RAB8A: variants seen among roughly 807,000 people sequenced by gnomAD.
RAB8A encodes ras-related protein Rab-8A.
In RAB8A, 5 loss-of-function variants were observed where a neutral mutation model predicts 29.2. The observed-to-expected ratio is 0.17, with a 90% confidence interval of 0.09 to 0.36. The LOEUF is 0.36. RAB8A is among the 10% of genes least tolerant of loss of function. RAB8A has a pLI of 1.00. For missense variants in RAB8A, 171 were observed against 272.2 expected, an observed-to-expected ratio of 0.63 and a Z score of 2.62; for synonymous variants, 108 against 99.9, an observed-to-expected ratio of 1.08 and a Z score of -0.49.
chr19:16,122,377 G>C lies in RAB8A; in HGVS notation c.246+567G>C, dbSNP rs1252230204. ...GACGAGGTCCTGTGTCAGGGGCCCT[G>C]TGTGTACATGGCAGGGCATTCAGGG... On this transcript the variant is annotated intron_variant, in intron 3 of 7. Coordinates refer to ENST00000300935, the MANE Select transcript of RAB8A (RefSeq NM_005370.5). The surrounding 1 kb of genome is among the most constrained non-coding windows in gnomAD (Gnocchi z 4.7). 6.6e-6 allele frequency among the ~76,000 whole-genome samples: 1 copy of C among 152,230 alleles called. No homozygotes were observed. Among genetic ancestry groups the C allele is most frequent in the Non-Finnish European group, 1.5e-5 (1 of 68,046 alleles).
chr19:16,121,522 A>G (rs2090875350), intron 2 of RAB8A, among the ~76,000 whole-genome samples: 1 of 152,110 alleles, frequency 6.6e-6, no homozygotes, highest in African/African-American at 2.4e-5. Flanking sequence ...GAGAAGGCGC[A>G]TGGGTCAGGG....
chr19:16,131,860 T>C (rs1296468599), intron 7 of RAB8A, among the ~76,000 whole-genome samples: 1 of 37,482 alleles, frequency 2.7e-5, no homozygotes, highest in Non-Finnish European at 5.9e-5. Context: ...GGATGGTTGG[T>C]TGGTTGGTTG....
rs536307896 is a variant in RAB8A, at chr19:16,123,260, C to T, written c.246+1450C>T. 2.5e-4 allele frequency among the ~76,000 whole-genome samples: 38 copies of T among 152,326 alleles called. 1 individual carries two copies. Among genetic ancestry groups the T allele is most frequent in the Admixed American group, 2.3e-3 (35 of 15,298 alleles). ...TTCCATCCTCCTAGACCCAGGCCAACCTGAACAGATGCCACCACTGGCTGC... is the reference window on the plus strand; with the variant it reads ...TTCCATCCTCCTAGACCCAGGCCAATCTGAACAGATGCCACCACTGGCTGC... On this transcript the variant is annotated intron_variant, in intron 3 of 7. Transcript: ENST00000300935.
At position 16,127,908 on chromosome 19, in the gene RAB8A, G is replaced by A. The variant is rs993532455; in HGVS notation, c.415-118G>A. 4 of 1,016,928 alleles carry A rather than the reference G, an allele frequency of 3.9e-6. No individual in the cohort carries two copies. In the African/African-American group the frequency reaches 4.8e-5, roughly 12 times the overall value. The allele number at this position is 1,016,928 out of a possible 1,614,324, so 63.0% of individuals were successfully genotyped here. A position where few individuals can be genotyped will look rare whatever the true frequency, so the allele number is the denominator to read the frequency against. ...AGTGATCCAGGAAGTCACGCCCACA[G>A]CCCCAGCCCTGTTGCTGCTCCCTCT... On this transcript the variant is annotated intron_variant, in intron 5 of 7. Coordinates refer to ENST00000300935, the MANE Select transcript of RAB8A (RefSeq NM_005370.5). The surrounding 1 kb of genome is among the most constrained non-coding windows in gnomAD (Gnocchi z 4.8).
Position 16,125,876 on chromosome 19 carries a change from G to C in RAB8A, c.324+329G>C, listed in dbSNP as rs1462570529. On this transcript the variant is annotated intron_variant, in intron 4 of 7. Transcript: ENST00000300935. The surrounding 1 kb of genome is among the most constrained non-coding windows in gnomAD (Gnocchi z 5.0). ...TGCTTTCTAGAGAAGGAAGGGTCTA[G>C]CACAGGTGTGACCCTTGTAGTTGGA... The C allele has an allele frequency of 2.3e-6, 1 of 443,426 alleles. No individual in the cohort carries two copies. The highest frequency in any genetic ancestry group is 4.2e-6 in the Non-Finnish European group (1 of 235,346). The allele number at this position is 443,426 out of a possible 1,614,324, so 27.5% of individuals were successfully genotyped here.
chr19:16,119,279 C>T (rs534622676), intron 2 of RAB8A, among the ~76,000 whole-genome samples: 1 of 152,138 alleles, frequency 6.6e-6, no homozygotes, highest in South Asian at 2.1e-4. Context: ...GATCTTGTCT[C>T]ACCGCAACCT....
intron 1 of RAB8A, among the ~76,000 whole-genome samples, chr19:16,116,952 A>G: frequency 6.6e-6 from 1 of 150,846 alleles, no homozygotes. Context: ...CCCCAGCCCC[A>G]GACAACTGCT....
Position 16,122,532 on chromosome 19 carries a change from G to A in RAB8A, c.246+722G>A, listed in dbSNP as rs536222804. ...GTCTCGGGCTGTGCTGAGGATAAAC[G>A]GCTGCCTCTCCCCATTCCCAGGTCC... On this transcript the variant is annotated intron_variant, in intron 3 of 7. Coordinates refer to ENST00000300935, the MANE Select transcript of RAB8A (RefSeq NM_005370.5). This position sits in a 1 kb window ranked among gnomAD's most constrained non-coding sequence, Gnocchi z 4.7. Among the ~76,000 whole-genome samples the A allele has an allele frequency of 2.6e-5, 4 of 152,158 alleles. No individual in the cohort carries two copies. Among genetic ancestry groups the A allele is most frequent in the African/African-American group, 9.6e-5 (4 of 41,518 alleles).
In RAB8A at chr19:16,117,277, TCAGGAGTTTGAGAC is replaced by T. The variant is rs550435477; in HGVS notation, c.125-945_125-932del. ...GCTGAGGCAGGCAGATCATTTGAGG[TCAGGAGTTTGAGAC>T]CAGCCTGGCCAACACGGTGAAACCC... On this transcript the variant is annotated intron_variant, in intron 1 of 7. Transcript: ENST00000300935. Among the ~76,000 whole-genome samples the T allele has an allele frequency of 1.9e-4, 29 of 151,920 alleles. 1 individual carries two copies. Among genetic ancestry groups the T allele is most frequent in the Middle Eastern group, 3.4e-3 (1 of 294 alleles).
At chr19:16,118,357 C>T in intron 2 of RAB8A, 71 bp downstream of exon 2, 1 of 1,394,966 alleles carries the variant, frequency 7.2e-7, no homozygotes, top group South Asian at 1.2e-5. Context: ...TTGGCCTTCT[C>T]CCTCCACCGT....
chr19:16,112,049 G>C (rs774579482), intron 1 of RAB8A, 24 bp downstream of exon 1: 2 of 1,612,314 alleles, frequency 1.2e-6, no homozygotes, highest in African/African-American at 1.3e-5. Flanking sequence ...GGAATGGCTG[G>C]GGGCGCCGGA....
chr19:16,127,697 A>G lies in RAB8A; in HGVS notation c.414+171A>G. The G allele has an allele frequency of 1.6e-6, 1 of 612,128 alleles. No homozygotes were observed. The highest frequency in any genetic ancestry group is 2.8e-6 in the Non-Finnish European group (1 of 351,300). 37.9% of individuals were successfully genotyped at this position (612,128 alleles called of 1,614,324 possible). A position where few individuals can be genotyped will look rare whatever the true frequency, so the allele number is the denominator to read the frequency against. Reference sequence around the variant, plus strand: ...CACCCAGCCGGGGCTTCTTGGGTGCACTCTGCGGGCATCTCATCAAAACCT... The same window carrying G: ...CACCCAGCCGGGGCTTCTTGGGTGCGCTCTGCGGGCATCTCATCAAAACCT... On this transcript the variant is annotated intron_variant, in intron 5 of 7. Transcript: ENST00000300935. This position sits in a 1 kb window ranked among gnomAD's most constrained non-coding sequence, Gnocchi z 4.8.
In RAB8A at chr19:16,115,181, A is replaced by G. The variant is rs967507152; in HGVS notation, c.125-3045A>G. Among the ~76,000 whole-genome samples the G allele has an allele frequency of 4.6e-5, 7 of 152,076 alleles. No homozygotes were observed. In the East Asian group the frequency reaches 9.6e-4, roughly 21 times the overall value. On this transcript the variant is annotated intron_variant, in intron 1 of 7. Transcript: ENST00000300935. ...CGCTTGCCTGTATTCCCAGCTACTC[A>G]GGAGGCTGAGGCAGGAGAATCGCTT...
chr19:16,129,259 C>T (rs141596356), intron 6 of RAB8A, among the ~76,000 whole-genome samples: 36 of 152,328 alleles, frequency 2.4e-4, no homozygotes, highest in African/African-American at 8.7e-4. Flanking sequence ...GAGTGTCGCC[C>T]CATCTCACAG....
chr19:16,118,380 G>C (rs956553089), intron 2 of RAB8A, 94 bp downstream of exon 2: 6 of 1,201,052 alleles, frequency 5.0e-6, no homozygotes, highest in Non-Finnish European at 7.2e-6. Flanking sequence ...CTGTGACCTT[G>C]GCCTCCATTT....
At chr19:16,112,968 C>T (rs1015453753) in intron 1 of RAB8A, among the ~76,000 whole-genome samples, 2 of 152,196 alleles carry the variant, frequency 1.3e-5, no homozygotes, top group African/African-American at 2.4e-5. Flanking sequence ...CTAAATCAGC[C>T]ACTGCCACAG....
intron 7 of RAB8A, among the ~76,000 whole-genome samples, chr19:16,131,613 A>G (rs1053773057): frequency 2.3e-4 from 35 of 148,972 alleles, no homozygotes; most frequent in Non-Finnish European, 4.6e-4. Flanking sequence ...TTGGAAAGGG[A>G]TGGATGGATG....
In RAB8A at chr19:16,129,535, C is replaced by A; in HGVS notation, c.481-19C>A. 6.2e-7 allele frequency: 1 copy of A among 1,613,776 alleles called. No individual in the cohort carries two copies. The highest frequency in any genetic ancestry group is 8.5e-7 in the Non-Finnish European group (1 of 1,179,718). The stretch of plus-strand genomic sequence containing the variant: ...AGGGTCCTGCCATCCCAAGGACTCA[C>A]AATGTGCTTATTCCACAGGCATTTT... On this transcript the variant is annotated intron_variant, in intron 6 of 7. Coordinates refer to ENST00000300935, the MANE Select transcript of RAB8A (RefSeq NM_005370.5).
In RAB8A at chr19:16,120,712, G is replaced by C. The variant is rs555239877; in HGVS notation, c.186-1038G>C. ...TGCAACCTCCACCTCCCAGGTTCAA[G>C]CGATTGTTGTGTCTCGGCCTCCTAA... On this transcript the variant is annotated intron_variant, in intron 2 of 7. Coordinates refer to ENST00000300935, the MANE Select transcript of RAB8A (RefSeq NM_005370.5). Among the ~76,000 whole-genome samples the C allele has an allele frequency of 7.3e-5, 11 of 151,320 alleles. No homozygotes were observed. The South Asian group carries it at 2.3e-3, about 32-fold the overall frequency.
Sources: allele counts gnomAD v4.1 joint callset (sites outside exome capture counted in the v4.1 genomes callset), GRCh38; gene constraint gnomAD v4.1.1; non-coding constraint Gnocchi (gnomAD v3.1); transcripts MANE v1.5; gene names NCBI Gene and HGNC (gene_info 2026-07-23, HGNC 2026-07-21).